Variants in RBFOX1 observed in about 807,000 individuals in gnomAD.
RBFOX1 encodes RNA binding fox-1 homolog 1, also known as RNA binding protein fox-1 homolog 1.
In RBFOX1, 8 loss-of-function variants were observed where a neutral mutation model predicts 57.7. That is an observed-to-expected ratio of 0.14 (90% CI 0.08 to 0.25). The LOEUF (loss-of-function observed/expected upper bound fraction) is 0.25. RBFOX1 is among the 10% of genes least tolerant of loss of function. The pLI is 1.00. For synonymous variants in RBFOX1, 326 were observed against 222.4 expected, an observed-to-expected ratio of 1.47 and a Z score of -4.15; for missense variants, 611 against 548.5, an observed-to-expected ratio of 1.11 and a Z score of -1.14.
chr16:5,860,839 G>C (rs1435343090), intron 3 of RBFOX1, among the ~76,000 whole-genome samples: 1 of 152,164 alleles, frequency 6.6e-6, no homozygotes, highest in African/African-American at 2.4e-5. Context: ...AGCAAAAAGA[G>C]GCCCTGATCT....
At chr16:6,151,716 T>C (rs551852168) in intron 1 of RBFOX1, among the ~76,000 whole-genome samples, 67 of 152,358 alleles carry the variant, frequency 4.4e-4, no homozygotes, top group Admixed American at 9.1e-4. Flanking sequence ...ACACAGGCAC[T>C]GCTGTGAACC....
intron 5 of RBFOX1, among the ~76,000 whole-genome samples, chr16:7,566,616 G>A (rs867039643): frequency 1.3e-5 from 2 of 152,140 alleles, no homozygotes; most frequent in Non-Finnish European, 2.9e-5. Flanking sequence ...GAAAACACCA[G>A]TGAGATGCTT....
At chr16:6,265,751 AC>A (rs929973593) in intron 1 of RBFOX1, among the ~76,000 whole-genome samples, 6 of 152,106 alleles carry the variant, frequency 3.9e-5, no homozygotes, top group African/African-American at 1.4e-4. Context: ...CCTTCCTTGT[AC>A]TTTTAGCTTC....
chr16:6,339,784 C>A (rs1298681701), intron 2 of RBFOX1, among the ~76,000 whole-genome samples: 1 of 152,062 alleles, frequency 6.6e-6, no homozygotes, highest in African/African-American at 2.4e-5. Flanking sequence ...GATTCTCCTG[C>A]CTCAGCCTCC....
chr16:6,174,437 A>C (rs1479319085), intron 1 of RBFOX1, among the ~76,000 whole-genome samples: 1 of 152,152 alleles, frequency 6.6e-6, no homozygotes, highest in Non-Finnish European at 1.5e-5. Context: ...TTTACTAAAA[A>C]TACAAAAGTT....
chr16:7,116,601 A>T (rs1473581765), intron 4 of RBFOX1, among the ~76,000 whole-genome samples: 1 of 152,168 alleles, frequency 6.6e-6, no homozygotes, highest in Non-Finnish European at 1.5e-5. Context: ...GAAAAGAAAA[A>T]CAAAGCCCAC....
intron 2 of RBFOX1, among the ~76,000 whole-genome samples, chr16:6,477,671 C>A (rs1046205254): frequency 6.6e-6 from 1 of 152,102 alleles, no homozygotes; most frequent in East Asian, 1.9e-4. Context: ...CTGTATTAGC[C>A]CCTAATAAGA....
At chr16:5,262,357 G>A (rs1323158857) in intron 1 of RBFOX1, among the ~76,000 whole-genome samples, 1 of 152,216 alleles carries the variant, frequency 6.6e-6, no homozygotes. Context: ...AAGGCAGATT[G>A]TCCTCCCCAA....
intron 4 of RBFOX1, among the ~76,000 whole-genome samples, chr16:5,882,556 G>A (rs2057788410): frequency 6.6e-6 from 1 of 152,156 alleles, no homozygotes; most frequent in African/African-American, 2.4e-5. Context: ...GCACTGAGCA[G>A]AGACCTGGAG....
chr16:6,951,607 G>GT (rs1232354533), intron 3 of RBFOX1, among the ~76,000 whole-genome samples: 1 of 151,980 alleles, frequency 6.6e-6, no homozygotes, highest in Non-Finnish European at 1.5e-5. Context: ...TCTCCATGTG[G>GT]TTTTTTCTCA....
At chr16:5,460,030 T>C (rs1307897571) in intron 1 of RBFOX1, among the ~76,000 whole-genome samples, 1 of 152,216 alleles carries the variant, frequency 6.6e-6, no homozygotes, top group African/African-American at 2.4e-5. Flanking sequence ...TTTTGTCTGA[T>C]TCTGTTTCCT....
chr16:6,200,542 A>T (rs1239550323), intron 1 of RBFOX1, among the ~76,000 whole-genome samples: 1 of 152,196 alleles, frequency 6.6e-6, no homozygotes, highest in Non-Finnish European at 1.5e-5. Context: ...AATATAAACC[A>T]TGGGACTTAA....
At chr16:6,664,834 C>T (rs1367440907) in intron 3 of RBFOX1, among the ~76,000 whole-genome samples, 4 of 152,184 alleles carry the variant, frequency 2.6e-5, no homozygotes, top group East Asian at 1.9e-4. Flanking sequence ...TGCAGTCAAA[C>T]GGATCTGGAG....
intron 3 of RBFOX1, among the ~76,000 whole-genome samples, chr16:5,695,704 G>A (rs1198540379): frequency 6.6e-6 from 1 of 152,160 alleles, no homozygotes; most frequent in Non-Finnish European, 1.5e-5. Flanking sequence ...CCTATGCTTG[G>A]AATTAGGATG....
intron 4 of RBFOX1, among the ~76,000 whole-genome samples, chr16:5,963,886 G>A (rs1596309018): frequency 6.6e-6 from 1 of 152,056 alleles, no homozygotes; most frequent in Admixed American, 6.6e-5. Context: ...GGCAACAAAA[G>A]CAAAAATAAA....
At chr16:6,959,544 G>A (rs772221235) in intron 3 of RBFOX1, among the ~76,000 whole-genome samples, 1 of 152,030 alleles carries the variant, frequency 6.6e-6, no homozygotes, top group East Asian at 1.9e-4. Context: ...TTTGGACCCA[G>A]GTCTCAGTGA....
intron 2 of RBFOX1, among the ~76,000 whole-genome samples, chr16:6,469,540 C>T (rs900785926): frequency 2.0e-5 from 3 of 152,144 alleles, no homozygotes; most frequent in South Asian, 2.1e-4. Flanking sequence ...CGGGGTGAGA[C>T]GAGATGCAAA....
At chr16:7,511,402 C>G (rs529422622) in intron 4 of RBFOX1, among the ~76,000 whole-genome samples, 1 of 152,170 alleles carries the variant, frequency 6.6e-6, no homozygotes, top group Non-Finnish European at 1.5e-5. Context: ...TATTTTCTCT[C>G]TGACTCTGTC....
At chr16:6,753,958 C>G (rs2075374235) in intron 3 of RBFOX1, among the ~76,000 whole-genome samples, 1 of 152,098 alleles carries the variant, frequency 6.6e-6, no homozygotes, top group Non-Finnish European at 1.5e-5. Flanking sequence ...GAGAATCACT[C>G]CTTATGGAGC....
Sources: allele counts gnomAD v4.1 joint callset (sites outside exome capture counted in the v4.1 genomes callset), GRCh38; gene constraint gnomAD v4.1.1; transcripts MANE v1.5; gene names NCBI Gene and HGNC (gene_info 2026-07-23, HGNC 2026-07-21).